Variants in PRRX1 observed in about 807,000 individuals in gnomAD.
PRRX1 encodes paired mesoderm homeobox protein 1.
A neutral mutation model predicts 24.0 loss-of-function variants in PRRX1; 8 were observed. That is an observed-to-expected ratio of 0.33 (90% CI 0.20 to 0.60). PRRX1 has a LOEUF of 0.60. Among genes scored for constraint, PRRX1 ranks in the 20% least tolerant of loss-of-function variants. The pLI, the probability that PRRX1 is intolerant of heterozygous loss-of-function variation, is 0.82. For synonymous variants in PRRX1, 160 were observed against 131.7 expected (o/e 1.22, Z -1.47); for missense variants, 281 against 322.4 (o/e 0.87, Z 0.98).
At chr1:170,697,476 A>G (rs1390665553) in intron 1 of PRRX1, among the ~76,000 whole-genome samples, 2 of 152,006 alleles carry the variant, frequency 1.3e-5, no homozygotes, top group Non-Finnish European at 2.9e-5. Flanking sequence ...AGAACTATAT[A>G]GAAAGGAAGA....
chr1:170,667,629 G>T (rs902085134), intron 1 of PRRX1: 5 of 152,218 alleles, frequency 3.3e-5, no homozygotes, highest in African/African-American at 4.8e-5. Context: ...AGTGTCTCGG[G>T]AAAGGATGGC....
chr1:170,732,874 G>A (rs1655480688), intron 3 of PRRX1, among the ~76,000 whole-genome samples: 1 of 152,068 alleles, frequency 6.6e-6, no homozygotes, highest in African/African-American at 2.4e-5. Flanking sequence ...ACTAATTTGA[G>A]GGATACCTAT....
At chr1:170,676,163 A>G (rs1486179633) in intron 1 of PRRX1, among the ~76,000 whole-genome samples, 2 of 152,182 alleles carry the variant, frequency 1.3e-5, no homozygotes, top group African/African-American at 4.8e-5. Context: ...TTTGCTAGCC[A>G]TATTTCAAAG....
intron 1 of PRRX1, among the ~76,000 whole-genome samples, chr1:170,689,810 TTCCGTCTCTCTCTCTCTCTCTCTCTC>T: frequency 7.1e-6 from 1 of 140,310 alleles, no homozygotes; most frequent in African/African-American, 2.8e-5. Flanking sequence ...AGATTTAATA[TTCCGTCTCTCTCTCTCTCTCTCTCTC>T]TCCCTCTCTC....
intron 1 of PRRX1, among the ~76,000 whole-genome samples, chr1:170,703,176 T>C (rs1654447983): frequency 6.6e-6 from 1 of 152,246 alleles, no homozygotes; most frequent in South Asian, 2.1e-4. Flanking sequence ...TTCTTAAAAG[T>C]TCTTCCACTT....
At chr1:170,698,723 C>G (rs1654255027) in intron 1 of PRRX1, among the ~76,000 whole-genome samples, 3 of 152,108 alleles carry the variant, frequency 2.0e-5, no homozygotes, top group African/African-American at 7.2e-5. Flanking sequence ...GCCAATGATT[C>G]TTAAGAAATG....
At chr1:170,717,499 A>T (rs1318413289) in intron 1 of PRRX1, among the ~76,000 whole-genome samples, 1 of 152,242 alleles carries the variant, frequency 6.6e-6, no homozygotes, top group Non-Finnish European at 1.5e-5. Flanking sequence ...AGAGAAGAAA[A>T]CAAGTCATGG....
At chr1:170,694,054 C>T (rs1928713) in intron 1 of PRRX1, among the ~76,000 whole-genome samples, 12 of 151,948 alleles carry the variant, frequency 7.9e-5, no homozygotes, top group Non-Finnish European at 1.6e-4. Context: ...GTTGTCGCCA[C>T]GAAGGACTTT....
intron 1 of PRRX1, among the ~76,000 whole-genome samples, chr1:170,687,275 A>C (rs1653777676): frequency 6.6e-6 from 1 of 152,190 alleles, no homozygotes; most frequent in Admixed American, 6.5e-5. Flanking sequence ...CAGTCTGTTG[A>C]AAGCATATTT....
In PRRX1 at chr1:170,664,472, C is replaced by A. The variant is rs1467196801; in HGVS notation, c.241+13C>A. 1 of 1,589,688 alleles carries A rather than the reference C, an allele frequency of 6.3e-7. No individual in the cohort carries two copies. Among genetic ancestry groups the A allele is most frequent in the South Asian group, 1.1e-5 (1 of 87,746 alleles). Reference sequence around the variant, plus strand: ...CCGCAGCAGGACAGTGAGTGAGGGGCGCATGCCCACGGGGGTGTGTGCCCG... The same window carrying A: ...CCGCAGCAGGACAGTGAGTGAGGGGAGCATGCCCACGGGGGTGTGTGCCCG... On this transcript the variant is annotated intron_variant, in intron 1 of 3. Transcript: ENST00000239461.
At chr1:170,700,026 G>A (rs966630367) in intron 1 of PRRX1, among the ~76,000 whole-genome samples, 6 of 152,116 alleles carry the variant, frequency 3.9e-5, no homozygotes, top group South Asian at 2.1e-4. Flanking sequence ...CCAGCCAAGC[G>A]GATGGATTTC....
chr1:170,702,560 AAG>A (rs1481484523), intron 1 of PRRX1, among the ~76,000 whole-genome samples: 1 of 152,210 alleles, frequency 6.6e-6, no homozygotes, highest in Non-Finnish European at 1.5e-5. Context: ...AACAAGTAAA[AAG>A]AGAACTATTC....
chr1:170,692,398 GAT>G, intron 1 of PRRX1, among the ~76,000 whole-genome samples: 1 of 152,162 alleles, frequency 6.6e-6, no homozygotes, highest in East Asian at 1.9e-4. Context: ...AGCCTGTCGG[GAT>G]ATCTTTCCTT....
chr1:170,721,125 C>A (rs539816166), intron 2 of PRRX1, among the ~76,000 whole-genome samples: 2 of 152,096 alleles, frequency 1.3e-5, no homozygotes, highest in South Asian at 2.1e-4. Flanking sequence ...AATTACCACT[C>A]CCCACCCCGC....
At chr1:170,701,072 G>T (rs1334872648) in intron 1 of PRRX1, among the ~76,000 whole-genome samples, 1 of 152,118 alleles carries the variant, frequency 6.6e-6, no homozygotes, top group African/African-American at 2.4e-5. Context: ...ACCCTGCTCT[G>T]TCCATTACAA....
At chr1:170,730,724 C>T (rs746841258) in intron 3 of PRRX1, 17 of 207,984 alleles carry the variant, frequency 8.2e-5, no homozygotes, top group Admixed American at 5.3e-4. Context: ...GGTTACAGGA[C>T]GGGGTTCGGA....
At chr1:170,666,404 T>G in intron 1 of PRRX1, among the ~76,000 whole-genome samples, 2 of 110,008 alleles carry the variant, frequency 1.8e-5, no homozygotes, top group Non-Finnish European at 1.7e-5. Flanking sequence ...GATGACAGAG[T>G]GAGACTCCGT....
At chr1:170,669,425 C>CATAAAAAAAAAAAAAAA (rs1653064063) in intron 1 of PRRX1, 1 of 22,298 alleles carries the variant, frequency 4.5e-5, no homozygotes, top group Non-Finnish European at 6.9e-5. Flanking sequence ...CTCCCCACTG[C>CATAAAAAAAAAAAAAAA]AAAAAAAAAA....
intron 1 of PRRX1, among the ~76,000 whole-genome samples, chr1:170,700,020 C>G (rs1347247217): frequency 2.0e-5 from 3 of 152,114 alleles, no homozygotes; most frequent in Non-Finnish European, 4.4e-5. Flanking sequence ...CTGAGCCCAG[C>G]CAAGCGGATG....
Sources: gnomAD v4.1 joint callset for allele counts (sites outside exome capture counted in the v4.1 genomes callset) on GRCh38, gnomAD v4.1.1 for gene constraint, MANE v1.5 for transcripts, NCBI Gene and HGNC (gene_info 2026-07-23, HGNC 2026-07-21) for gene names.